Variants in TLK1 observed in about 807,000 individuals in gnomAD.
TLK1 encodes the protein tousled like kinase 1, also known as serine/threonine-protein kinase tousled-like 1.
A neutral mutation model predicts 105.3 loss-of-function variants in TLK1; 24 were observed. The observed-to-expected ratio is 0.23, with a 90% CI of 0.17 to 0.32. The LOEUF is 0.32. TLK1 is among the 10% of genes least tolerant of loss of function. The probability of loss-of-function intolerance (pLI) is 1.00; values close to 1 mark genes in which losing one functional copy is unlikely to be tolerated. For synonymous variants in TLK1, 321 were observed against 310.4 expected, an observed-to-expected ratio of 1.03 and a Z score of -0.36; for missense variants, 558 against 910.5, an observed-to-expected ratio of 0.61 and a Z score of 4.98.
At chr2:171,129,238 A>G (rs1690998070) in intron 1 of TLK1, among the ~76,000 whole-genome samples, 1 of 152,168 alleles carries the variant, frequency 6.6e-6, no homozygotes. Context: ...AATAAATACA[A>G]AAATATAAAA....
chr2:171,112,729 G>A (rs1003718464), intron 2 of TLK1, among the ~76,000 whole-genome samples: 1 of 152,020 alleles, frequency 6.6e-6, no homozygotes, highest in Non-Finnish European at 1.5e-5. Context: ...AAGACTGCCA[G>A]ATACAAGACC....
intron 12 of TLK1, among the ~76,000 whole-genome samples, chr2:171,020,717 GCCAACCAA>G (rs144630026): frequency 4.6e-5 from 7 of 151,874 alleles, no homozygotes; most frequent in South Asian, 2.1e-4. Flanking sequence ...ATAAAAGCCA[GCCAACCAA>G]CCAACCAACC....
intron 1 of TLK1, among the ~76,000 whole-genome samples, chr2:171,132,388 C>T (rs372761773): frequency 5.3e-5 from 8 of 151,838 alleles, no homozygotes; most frequent in Non-Finnish European, 7.4e-5. Context: ...ATTTGGATGG[C>T]GACACAGCTA....
chr2:171,139,049 A>C (rs1691461202), intron 1 of TLK1, among the ~76,000 whole-genome samples: 1 of 152,210 alleles, frequency 6.6e-6, no homozygotes. Flanking sequence ...TACTGCTCAA[A>C]GGGTTATAAT....
chr2:171,043,485 T>C (rs867254129), intron 11 of TLK1, among the ~76,000 whole-genome samples: 2 of 152,112 alleles, frequency 1.3e-5, no homozygotes, highest in East Asian at 1.9e-4. Flanking sequence ...GTTAGGGTTA[T>C]AGGGAAGAGA....
At chr2:171,016,964 C>T (rs1685242018) in intron 12 of TLK1, among the ~76,000 whole-genome samples, 1 of 152,128 alleles carries the variant, frequency 6.6e-6, no homozygotes, top group Non-Finnish European at 1.5e-5. Context: ...ACAATAGGTA[C>T]ACTACATAGA....
chr2:171,186,971 T>A (rs1000354183), intron 1 of TLK1, among the ~76,000 whole-genome samples: 2 of 142,194 alleles, frequency 1.4e-5, no homozygotes, highest in African/African-American at 2.7e-5. Flanking sequence ...GGCAGAAGAA[T>A]CGTTTGAACC....
At chr2:171,171,892 C>A (rs1000061691) in intron 1 of TLK1, among the ~76,000 whole-genome samples, 4 of 152,172 alleles carry the variant, frequency 2.6e-5, no homozygotes, top group African/African-American at 9.7e-5. Context: ...ATGTCCATAT[C>A]TGTGATCCAT....
At chr2:171,041,100 G>A (rs1686653955) in intron 11 of TLK1, among the ~76,000 whole-genome samples, 1 of 152,014 alleles carries the variant, frequency 6.6e-6, no homozygotes, top group Admixed American at 6.6e-5. Flanking sequence ...ATCAATGTAA[G>A]TGTCAACAGA....
intron 1 of TLK1, among the ~76,000 whole-genome samples, chr2:171,148,452 G>A (rs1008943897): frequency 6.6e-6 from 1 of 151,888 alleles, no homozygotes; most frequent in Non-Finnish European, 1.5e-5. Flanking sequence ...TCTTGGTGGT[G>A]TATTTTTTCT....
At chr2:171,147,074 T>A (rs185907091) in intron 1 of TLK1, among the ~76,000 whole-genome samples, 143 of 152,356 alleles carry the variant, frequency 9.4e-4, no homozygotes, top group African/African-American at 3.2e-3. Flanking sequence ...GGTTGTTTTA[T>A]CTAACCCACA....
At chr2:171,179,105 A>G (rs1692883091) in intron 1 of TLK1, among the ~76,000 whole-genome samples, 2 of 152,222 alleles carry the variant, frequency 1.3e-5, no homozygotes, top group African/African-American at 4.8e-5. Flanking sequence ...ATGTAAGAAG[A>G]CATGGAATAA....
At chr2:171,110,861 C>T (rs971657851) in intron 2 of TLK1, among the ~76,000 whole-genome samples, 22 of 152,152 alleles carry the variant, frequency 1.4e-4, no homozygotes, top group Non-Finnish European at 5.9e-5. Flanking sequence ...ATTTTACTAA[C>T]TGATAATTAT....
At chr2:171,218,025 G>A (rs980915966) in intron 1 of TLK1, among the ~76,000 whole-genome samples, 5 of 152,130 alleles carry the variant, frequency 3.3e-5, no homozygotes, top group African/African-American at 9.7e-5. Flanking sequence ...AGGCGGAGGC[G>A]GGCAGATCAC....
chr2:171,121,033 C>G (rs1191610901), intron 1 of TLK1, among the ~76,000 whole-genome samples: 2 of 152,032 alleles, frequency 1.3e-5, no homozygotes, highest in Non-Finnish European at 2.9e-5. Flanking sequence ...TAAAATAAGC[C>G]AGTCACAAAA....
At position 171,160,818 on chromosome 2, in the gene TLK1, G is replaced by A. The variant is rs1273595995; in HGVS notation, c.-390C>T. The stretch of plus-strand genomic sequence containing the variant: ...GAACCTGCCGGCACCTCTGCAGTGC[G>A]TCGGCCCCCGGCGTCGCCCGGGAGG... On this transcript the variant is annotated 5_prime_UTR_variant, in exon 1 of 21. The change creates a new upstream start codon in the 5' untranslated region. Transcript: ENST00000431350. This position sits in a 1 kb window ranked among gnomAD's most constrained non-coding sequence, Gnocchi z 4.4. The A allele has an allele frequency of 2.8e-6, 1 of 358,808 alleles. No individual in the cohort carries two copies. The highest frequency in any genetic ancestry group is 5.0e-6 in the Non-Finnish European group (1 of 201,792). 22.2% of individuals were successfully genotyped at this position (358,808 alleles called of 1,614,324 possible).
At chr2:170,996,040 C>T (rs1408863025) in intron 20 of TLK1, among the ~76,000 whole-genome samples, 6 of 151,742 alleles carry the variant, frequency 4.0e-5, no homozygotes, top group Non-Finnish European at 8.8e-5. Flanking sequence ...CTCTGTCCCC[C>T]AGGTTTGAGT....
At chr2:171,176,927 G>T (rs1430003570) in intron 1 of TLK1, among the ~76,000 whole-genome samples, 7 of 151,816 alleles carry the variant, frequency 4.6e-5, no homozygotes, top group Non-Finnish European at 1.0e-4. Context: ...CCACCTCCCG[G>T]GTTCAAGCAA....
chr2:171,068,896 A>G (rs1193792109), intron 3 of TLK1, among the ~76,000 whole-genome samples: 1 of 152,228 alleles, frequency 6.6e-6, no homozygotes, highest in Non-Finnish European at 1.5e-5. Flanking sequence ...AGAATCTTAA[A>G]GAAAATTCAC....
Sources: gnomAD v4.1 joint callset for allele counts (sites outside exome capture counted in the v4.1 genomes callset) on GRCh38, gnomAD v4.1.1 for gene constraint, Gnocchi (gnomAD v3.1) non-coding constraint, MANE v1.5 for transcripts, NCBI Gene and HGNC (gene_info 2026-07-23, HGNC 2026-07-21) for gene names.